The following CPED1 variants were observed in gnomAD, a reference collection of about 807,000 sequenced individuals.
CPED1 encodes the protein cadherin-like and PC-esterase domain-containing protein 1.
A neutral mutation model predicts 128.2 loss-of-function variants in CPED1; 114 were observed. That is an observed-to-expected ratio of 0.89 (90% CI 0.76 to 1.04). CPED1 has a LOEUF of 1.04. CPED1 is among the 50% of genes least tolerant of loss of function. The pLI is 0.00. For missense variants in CPED1, 1,211 were observed against 1,207.1 expected (o/e 1.00, Z -0.05); for synonymous variants, 462 against 426.7 (o/e 1.08, Z -1.02).
At chr7:121,131,948 A>T (rs1017350378) in intron 12 of CPED1, among the ~76,000 whole-genome samples, 2 of 146,792 alleles carry the variant, frequency 1.4e-5, no homozygotes, top group Non-Finnish European at 3.0e-5. Context: ...TTTAGCTTCT[A>T]TAGTGGGGGT....
chr7:121,292,297 T>C (rs1378954443), intron 22 of CPED1, among the ~76,000 whole-genome samples: 1 of 151,836 alleles, frequency 6.6e-6, no homozygotes, highest in Non-Finnish European at 1.5e-5. Flanking sequence ...TTCTTCTGCT[T>C]GATTGATTCG....
chr7:121,249,872 G>C (rs1486396429), intron 18 of CPED1, among the ~76,000 whole-genome samples: 1 of 152,068 alleles, frequency 6.6e-6, no homozygotes, highest in Admixed American at 6.6e-5. Context: ...AATAATAATG[G>C]GAGAATTTAA....
Position 121,274,016 on chromosome 7 carries a change from G to C in CPED1, c.2868+2586G>C, listed in dbSNP as rs138379734. ...ATTGGTTTTGTTCCTCTTTTAGAAA[G>C]AATTTTTATTTGTTTATTTATTTAT... is the stretch of plus-strand genomic sequence containing the variant. On this transcript the variant is annotated intron_variant, in intron 22 of 22. Transcript: ENST00000310396. Among the ~76,000 whole-genome samples the C allele has an allele frequency of 4.6e-5, 7 of 152,182 alleles. No individual in the cohort carries two copies. The East Asian group carries it at 5.8e-4, about 13-fold the overall frequency.
chr7:121,266,899 G>A, intron 20 of CPED1, 91 bp downstream of exon 20: 2 of 894,060 alleles, frequency 2.2e-6, no homozygotes, highest in Non-Finnish European at 3.6e-6. Flanking sequence ...TTTATTTAAA[G>A]AACAACTTAT....
intron 17 of CPED1, 28 bp downstream of exon 17, chr7:121,236,859 C>T: frequency 3.3e-6 from 4 of 1,229,422 alleles, no homozygotes; most frequent in Non-Finnish European, 4.7e-6. Context: ...TATCACTTCT[C>T]TAAAAAAAGA....
At chr7:121,201,532 GAAGGAAGA>G (rs544700836) in intron 16 of CPED1, among the ~76,000 whole-genome samples, 21 of 151,378 alleles carry the variant, frequency 1.4e-4, no homozygotes, top group African/African-American at 4.6e-4. Flanking sequence ...GGAAAGGAAG[GAAGGAAGA>G]AAGGAAGGAA....
Position 121,124,737 on chromosome 7 carries a change from C to T in CPED1, c.1061+264C>T, listed in dbSNP as rs188177248. 2.9e-3 allele frequency among the ~76,000 whole-genome samples: 446 copies of T among 152,256 alleles called. 2 individuals carry two copies. The highest frequency in any genetic ancestry group is 0.01 in the African/African-American group (418 of 41,562). On this transcript the variant is annotated intron_variant, in intron 8 of 22. Transcript: ENST00000310396. ...ATTTTCAAAGTTAATCTTTTAATTG[C>T]AGCCGCCTTTTCAAGTGCAACTGTT...
chr7:121,117,096 TATAA>T (rs1235247768), intron 7 of CPED1, among the ~76,000 whole-genome samples: 2 of 143,122 alleles, frequency 1.4e-5, no homozygotes, highest in Admixed American at 7.1e-5. Context: ...TATATATATA[TATAA>T]ATATATATAT....
At chr7:120,994,964 A>AC (rs1403781453) in intron 2 of CPED1, among the ~76,000 whole-genome samples, 1 of 151,932 alleles carries the variant, frequency 6.6e-6, no homozygotes, top group Non-Finnish European at 1.5e-5. Flanking sequence ...GTTCTTGAAC[A>AC]CCCCCTTTTC....
rs1157885862 is a variant in CPED1 at position 121,074,509 on chromosome 7, G to GTTTTTTTTTTTTTTTTTT, written c.616+10197_616+10214dup. ...TTCCTTACTAATAAATTTCCTTTGTGTTTTTTTTTTTTTTTTTTGAGGGCA... is the reference window on the plus strand; with the variant it reads ...TTCCTTACTAATAAATTTCCTTTGTGTTTTTTTTTTTTTTTTTTTTTTTTTTTTTTTTTTTTGAGGGCA... On this transcript the variant is annotated intron_variant, in intron 5 of 22. Coordinates refer to ENST00000310396, the MANE Select transcript of CPED1 (RefSeq NM_024913.5). Among the ~76,000 whole-genome samples, 93 of 80,830 alleles carry GTTTTTTTTTTTTTTTTTT rather than the reference G, an allele frequency of 1.2e-3. 13 individuals carry two copies. Among genetic ancestry groups the GTTTTTTTTTTTTTTTTTT allele is most frequent in the African/African-American group, 4.1e-3 (91 of 22,014 alleles). 53.0% of individuals were successfully genotyped at this position (80,830 alleles called of 152,430 possible).
intron 5 of CPED1, among the ~76,000 whole-genome samples, chr7:121,087,198 G>A (rs1373127454): frequency 6.6e-6 from 1 of 152,012 alleles, no homozygotes; most frequent in Non-Finnish European, 1.5e-5. Context: ...AAACAAAAAG[G>A]CAGCAAAGGG....
chr7:121,165,938 A>G (rs1243622560), intron 16 of CPED1, among the ~76,000 whole-genome samples: 1 of 152,210 alleles, frequency 6.6e-6, no homozygotes, highest in East Asian at 1.9e-4. Context: ...TGGCTTTTAT[A>G]AACTCTGTAC....
intron 16 of CPED1, among the ~76,000 whole-genome samples, chr7:121,198,210 A>G (rs1797312679): frequency 6.6e-6 from 1 of 152,168 alleles, no homozygotes; most frequent in Non-Finnish European, 1.5e-5. Context: ...CTTGGCATTT[A>G]TAAACTAGAC....
At chr7:121,067,279 A>G (rs1162905395) in intron 5 of CPED1, among the ~76,000 whole-genome samples, 2 of 150,782 alleles carry the variant, frequency 1.3e-5, no homozygotes, top group East Asian at 1.9e-4. Context: ...CCCACCCCAC[A>G]ACAGGCCCTG....
At chr7:121,083,286 G>A (rs893902528) in intron 5 of CPED1, among the ~76,000 whole-genome samples, 2 of 152,116 alleles carry the variant, frequency 1.3e-5, no homozygotes, top group Non-Finnish European at 2.9e-5. Flanking sequence ...GTCAGATGTG[G>A]GTGTAGCCAC....
At chr7:121,064,138 G>C in intron 4 of CPED1, 100 bp from the exon 5 acceptor site, 2 of 773,246 alleles carry the variant, frequency 2.6e-6, no homozygotes, top group Admixed American at 3.6e-5. Flanking sequence ...GGTTTAGACA[G>C]TGCATCCCAT....
At chr7:121,077,045 G>A (rs1329513288) in intron 5 of CPED1, among the ~76,000 whole-genome samples, 1 of 151,876 alleles carries the variant, frequency 6.6e-6, no homozygotes, top group Non-Finnish European at 1.5e-5. Context: ...CTTCCTCCTG[G>A]TGGCCCCTGG....
rs182270030 is a variant in CPED1 at position 121,040,936 on chromosome 7, C to A, written c.434-5951C>A. The stretch of plus-strand genomic sequence containing the variant: ...TATACTTTATAAATCTGTTCTGCCT[C>A]AAATTAATGTGTAAGTGTTTACAGA... On this transcript the variant is annotated intron_variant, in intron 3 of 22. Transcript: ENST00000310396. 1.7e-3 allele frequency among the ~76,000 whole-genome samples: 253 copies of A among 152,054 alleles called. 1 individual carries two copies. Among genetic ancestry groups the A allele is most frequent in the Non-Finnish European group, 3.2e-3 (217 of 67,910 alleles).
chr7:121,246,115 A>G (rs956135149), intron 18 of CPED1, among the ~76,000 whole-genome samples: 2 of 152,164 alleles, frequency 1.3e-5, no homozygotes, highest in African/African-American at 4.8e-5. Flanking sequence ...TCAGAATACC[A>G]TTCTGACCTC....
Sources: gnomAD v4.1 joint callset for allele counts (sites outside exome capture counted in the v4.1 genomes callset) on GRCh38, gnomAD v4.1.1 for gene constraint, MANE v1.5 for transcripts, NCBI Gene and HGNC (gene_info 2026-07-23, HGNC 2026-07-21) for gene names.